The following CTNND2 variants were observed in gnomAD, a reference collection of about 807,000 sequenced individuals.
The protein encoded by CTNND2 is catenin delta 2.
In CTNND2, 22 loss-of-function variants were observed where a neutral mutation model predicts 144.4. The observed-to-expected ratio is 0.15, with a 90% CI of 0.11 to 0.22. The LOEUF is 0.22. CTNND2 is among the 10% of genes least tolerant of loss of function. CTNND2 has a pLI of 1.00. For missense variants in CTNND2, 1,353 were observed against 1,618.8 expected (o/e 0.84, Z 2.82); for synonymous variants, 751 against 695.6 (o/e 1.08, Z -1.25).
intron 2 of CTNND2, among the ~76,000 whole-genome samples, chr5:11,625,945 T>C (rs1368815860): frequency 2.0e-5 from 3 of 152,180 alleles, no homozygotes; most frequent in Non-Finnish European, 2.9e-5. Flanking sequence ...AGATTATAAA[T>C]AAATTTAACT....
At chr5:11,050,152 G>T (rs852640) in intron 16 of CTNND2, among the ~76,000 whole-genome samples, 107,807 of 152,064 alleles carry the variant, frequency 0.71, 38,461 homozygotes, top group East Asian at 0.92. Context: ...CCAATTTCTG[G>T]TAGATTTCTT....
intron 2 of CTNND2, among the ~76,000 whole-genome samples, chr5:11,646,972 T>C (rs987907999): frequency 1.3e-5 from 2 of 152,206 alleles, no homozygotes; most frequent in African/African-American, 4.8e-5. Flanking sequence ...CTCATTGGCA[T>C]CCTTCTAAAA....
At chr5:11,140,791 C>T (rs28435686) in intron 12 of CTNND2, among the ~76,000 whole-genome samples, 11,625 of 151,874 alleles carry the variant, frequency 0.077, 1,448 homozygotes, top group African/African-American at 0.26. Flanking sequence ...AAAATGTACA[C>T]GTATTTAAGT....
At chr5:11,401,196 T>C (rs896213766) in intron 5 of CTNND2, among the ~76,000 whole-genome samples, 7 of 152,144 alleles carry the variant, frequency 4.6e-5, no homozygotes, top group African/African-American at 1.7e-4. Flanking sequence ...ACAGACACTA[T>C]ATAACACAGA....
intron 1 of CTNND2, among the ~76,000 whole-genome samples, chr5:11,858,826 G>A (rs1041151561): frequency 6.6e-6 from 1 of 152,158 alleles, no homozygotes; most frequent in Non-Finnish European, 1.5e-5. Context: ...CTATTCGGGA[G>A]GCTGAGGCAG....
chr5:11,643,594 C>A (rs1301241947), intron 2 of CTNND2, among the ~76,000 whole-genome samples: 1 of 151,930 alleles, frequency 6.6e-6, no homozygotes, highest in African/African-American at 2.4e-5. Flanking sequence ...CATAGTATTC[C>A]ATGGTGTATT....
intron 9 of CTNND2, among the ~76,000 whole-genome samples, chr5:11,257,718 C>A (rs749536088): frequency 2.0e-5 from 3 of 152,180 alleles, no homozygotes; most frequent in Non-Finnish European, 2.9e-5. Context: ...CAAAGCCAAA[C>A]CTTATCACCC....
intron 3 of CTNND2, among the ~76,000 whole-genome samples, chr5:11,523,371 G>A (rs565739653): frequency 6.6e-6 from 1 of 152,040 alleles, no homozygotes. Context: ...GTAACATAAG[G>A]TTATGGTATC....
chr5:11,731,696 T>C (rs907586834), intron 2 of CTNND2, among the ~76,000 whole-genome samples: 2 of 152,200 alleles, frequency 1.3e-5, no homozygotes, highest in African/African-American at 2.4e-5. Flanking sequence ...CAGATCCATC[T>C]CAGAAAACAC....
intron 11 of CTNND2, among the ~76,000 whole-genome samples, chr5:11,184,905 A>G (rs879810146): frequency 2.0e-5 from 3 of 152,198 alleles, no homozygotes; most frequent in Non-Finnish European, 2.9e-5. Context: ...AACCCGCAGC[A>G]CTCGGACTCA....
intron 2 of CTNND2, among the ~76,000 whole-genome samples, chr5:11,625,514 C>G (rs998140933): frequency 3.3e-5 from 5 of 151,650 alleles, no homozygotes; most frequent in African/African-American, 7.3e-5. Flanking sequence ...ATTATAAAAC[C>G]TCTATAAGGA....
At chr5:11,897,538 T>G (rs1737492209) in intron 1 of CTNND2, among the ~76,000 whole-genome samples, 1 of 152,162 alleles carries the variant, frequency 6.6e-6, no homozygotes, top group Non-Finnish European at 1.5e-5. Context: ...AAGTCAGATT[T>G]TAACATCATC....
chr5:11,163,109 C>G (rs1159956272), intron 11 of CTNND2, among the ~76,000 whole-genome samples: 3 of 152,146 alleles, frequency 2.0e-5, no homozygotes, highest in African/African-American at 7.2e-5. Context: ...AATGGTGGAG[C>G]CTAATTCTTC....
intron 19 of CTNND2, among the ~76,000 whole-genome samples, chr5:10,992,134 T>C (rs13188175): frequency 1.3e-5 from 2 of 152,176 alleles, no homozygotes; most frequent in Non-Finnish European, 2.9e-5. Context: ...CCCAGGATGG[T>C]TTCGAACTCC....
At chr5:11,129,582 C>A (rs533495100) in intron 12 of CTNND2, among the ~76,000 whole-genome samples, 1 of 151,530 alleles carries the variant, frequency 6.6e-6, no homozygotes, top group Admixed American at 6.6e-5. Context: ...TTGCAGCCAT[C>A]AGCTTGGTCC....
chr5:11,702,256 T>A (rs1364836323), intron 2 of CTNND2, among the ~76,000 whole-genome samples: 2 of 152,194 alleles, frequency 1.3e-5, no homozygotes, highest in African/African-American at 2.4e-5. Context: ...CATAGCATAC[T>A]TGTAGCAAGG....
intron 9 of CTNND2, among the ~76,000 whole-genome samples, chr5:11,237,604 G>A (rs1265570120): frequency 6.6e-6 from 1 of 151,992 alleles, no homozygotes; most frequent in South Asian, 2.1e-4. Flanking sequence ...GGGCTCAAGC[G>A]ATCCTCCCAC....
At chr5:11,826,581 A>G (rs964285005) in intron 1 of CTNND2, among the ~76,000 whole-genome samples, 1 of 152,026 alleles carries the variant, frequency 6.6e-6, no homozygotes, top group Admixed American at 6.6e-5. Context: ...TTAAAAAGTG[A>G]TATCCAATCT....
chr5:11,677,920 T>A (rs777017080), intron 2 of CTNND2, among the ~76,000 whole-genome samples: 1 of 152,182 alleles, frequency 6.6e-6, no homozygotes, highest in Non-Finnish European at 1.5e-5. Context: ...TCCACTCATA[T>A]TGGAAATGTA....
Sources: allele counts gnomAD v4.1 joint callset (sites outside exome capture counted in the v4.1 genomes callset), GRCh38; gene constraint gnomAD v4.1.1; transcripts MANE v1.5; gene names NCBI Gene and HGNC (gene_info 2026-07-23, HGNC 2026-07-21).